The following TENM4 variants were observed in gnomAD, a reference collection of about 807,000 sequenced individuals.
TENM4 encodes teneurin-4.
A neutral mutation model predicts 243.3 loss-of-function variants in TENM4; 82 were observed. The observed-to-expected ratio is 0.34, with a 90% CI of 0.28 to 0.40. The LOEUF is 0.40. Ranked by LOEUF, TENM4 falls within the 10% of genes least tolerant of loss-of-function variation. The pLI is 1.00. For missense variants in TENM4, 3,138 were observed against 3,673.3 expected, an observed-to-expected ratio of 0.85 and a Z score of 3.77; for synonymous variants, 1,412 against 1,456.3, an observed-to-expected ratio of 0.97 and a Z score of 0.69.
chr11:79,436,777 A>G (rs189867362), intron 1 of TENM4, among the ~76,000 whole-genome samples: 1 of 152,318 alleles, frequency 6.6e-6, no homozygotes, highest in African/African-American at 2.4e-5. Context: ...GGCCTTGATG[A>G]AAACAAGATG....
intron 19 of TENM4, among the ~76,000 whole-genome samples, chr11:78,754,810 T>A (rs935797943): frequency 6.6e-6 from 1 of 152,214 alleles, no homozygotes; most frequent in African/African-American, 2.4e-5. Flanking sequence ...ACCTCTCAGC[T>A]TCTCAGTACT....
chr11:79,001,606 A>G (rs1436265976), intron 6 of TENM4, among the ~76,000 whole-genome samples: 3 of 152,216 alleles, frequency 2.0e-5, no homozygotes, highest in Non-Finnish European at 4.4e-5. Context: ...GAGCACGGCC[A>G]GGGATGGCCA....
At chr11:79,169,437 G>A (rs1862990028) in intron 3 of TENM4, among the ~76,000 whole-genome samples, 1 of 152,042 alleles carries the variant, frequency 6.6e-6, no homozygotes, top group Non-Finnish European at 1.5e-5. Context: ...TCAGAGCCAG[G>A]GCATATTGGC....
chr11:78,789,885 T>C (rs1344091583), intron 15 of TENM4, among the ~76,000 whole-genome samples: 1 of 152,234 alleles, frequency 6.6e-6, no homozygotes, highest in Non-Finnish European at 1.5e-5. Context: ...GAATCAGATG[T>C]GATTCCAGAT....
At chr11:78,920,623 C>T (rs773654604) in intron 6 of TENM4, among the ~76,000 whole-genome samples, 6 of 152,132 alleles carry the variant, frequency 3.9e-5, no homozygotes, top group East Asian at 1.9e-4. Flanking sequence ...TGAACTACCT[C>T]ATCCTTCCTT....
Position 78,654,268 on chromosome 11 carries a change from T to TC in TENM4, c.*3789dup. 1 of 152,188 alleles carries TC rather than the reference T, an allele frequency of 6.6e-6. No homozygotes were observed. The highest frequency in any genetic ancestry group is 2.1e-4 in the South Asian group (1 of 4,818). The allele number at this position is 152,188 out of a possible 1,614,324, so 9.4% of individuals were successfully genotyped here. A position where few individuals can be genotyped will look rare whatever the true frequency, so the allele number is the denominator to read the frequency against. The stretch of plus-strand genomic sequence containing the variant: ...GGACTTTGAGCAGTGGATGCTCAAA[T>TC]CCCCAAGCCTGACACCCTGCTGAGA... On this transcript the variant is annotated 3_prime_UTR_variant, in exon 34 of 34. Transcript: ENST00000278550.
At chr11:78,942,364 G>A (rs1856917402) in intron 6 of TENM4, among the ~76,000 whole-genome samples, 1 of 144,386 alleles carries the variant, frequency 6.9e-6, no homozygotes, top group Non-Finnish European at 1.5e-5. Context: ...AGGATCACCT[G>A]AGCCTGGGAG....
chr11:79,368,406 C>A (rs144378175), intron 1 of TENM4, among the ~76,000 whole-genome samples: 1 of 152,210 alleles, frequency 6.6e-6, no homozygotes, highest in Non-Finnish European at 1.5e-5. Context: ...GAATTAAATA[C>A]GCAGTAATGT....
At chr11:79,046,459 AACG>A (rs111469378) in intron 6 of TENM4, among the ~76,000 whole-genome samples, 10,248 of 152,130 alleles carry the variant, frequency 0.067, 1,109 homozygotes, top group African/African-American at 0.23. Context: ...CCCCCAAAAA[AACG>A]ACAAGTTGAA....
Position 79,188,667 on chromosome 11 carries a change from TG to T in TENM4, c.-163+27140del, listed in dbSNP as rs377414250. Among the ~76,000 whole-genome samples the T allele has an allele frequency of 2.0e-3, 244 of 121,112 alleles. 1 individual carries two copies. The highest frequency in any genetic ancestry group is 7.4e-3 in the African/African-American group (229 of 30,970). 79.5% of individuals were successfully genotyped at this position (121,112 alleles called of 152,430 possible). ...GGAGCAAGCAGAAGAGAAGTGAGGA[TG>T]GGGATGGGGAAGAGGAGAAAAGAGA... is the stretch of plus-strand genomic sequence containing the variant. On this transcript the variant is annotated intron_variant, in intron 3 of 33. Coordinates refer to ENST00000278550, the MANE Select transcript of TENM4 (RefSeq NM_001098816.3).
chr11:79,343,776 A>G (rs1429198768), intron 1 of TENM4, among the ~76,000 whole-genome samples: 1 of 152,174 alleles, frequency 6.6e-6, no homozygotes, highest in African/African-American at 2.4e-5. Context: ...CTGGCACCCA[A>G]TCAACAAGAT....
At chr11:79,335,767 G>A (rs1244584944) in intron 1 of TENM4, among the ~76,000 whole-genome samples, 1 of 152,190 alleles carries the variant, frequency 6.6e-6, no homozygotes, top group African/African-American at 2.4e-5. Flanking sequence ...ACAAAGAGGA[G>A]AGACTGCCAA....
At position 78,862,948 on chromosome 11, in the gene TENM4, C is replaced by T. The variant is rs77725470; in HGVS notation, c.1255+14G>A. On this transcript the variant is annotated intron_variant, in intron 10 of 33. Coordinates refer to ENST00000278550, the MANE Select transcript of TENM4 (RefSeq NM_001098816.3). ...CACAGAGGACTCACAACACGGACAA[C>T]GCAGCAACCCTACCTTCTGTGGTTC... 8.8e-4 allele frequency: 1,257 copies of T among 1,428,188 alleles called. 12 individuals are homozygous for T. The African/African-American group carries it at 0.015, about 17-fold the overall frequency. 88.5% of individuals were successfully genotyped at this position (1,428,188 alleles called of 1,614,324 possible).
chr11:79,409,448 G>A (rs916825046), intron 1 of TENM4, among the ~76,000 whole-genome samples: 2 of 152,148 alleles, frequency 1.3e-5, no homozygotes, highest in Admixed American at 6.5e-5. Flanking sequence ...GGGTTAAAAT[G>A]GAATGAGGGG....
intron 6 of TENM4, among the ~76,000 whole-genome samples, chr11:78,975,929 C>T (rs1857644745): frequency 6.6e-6 from 1 of 152,088 alleles, no homozygotes; most frequent in Admixed American, 6.5e-5. Context: ...AAGACTTCTC[C>T]AGCTGACAGA....
chr11:79,414,378 C>T (rs1440272603), intron 1 of TENM4, among the ~76,000 whole-genome samples: 1 of 152,206 alleles, frequency 6.6e-6, no homozygotes, highest in Non-Finnish European at 1.5e-5. Flanking sequence ...GTCTCACTTT[C>T]CACACTGTGA....
chr11:79,172,639 G>A (rs1052952670), intron 3 of TENM4, among the ~76,000 whole-genome samples: 2 of 151,008 alleles, frequency 1.3e-5, no homozygotes, highest in Non-Finnish European at 2.9e-5. Context: ...ACAACAGCAG[G>A]AGTGTTCTAA....
chr11:78,840,298 CCTGA>C (rs1298651733), intron 12 of TENM4, among the ~76,000 whole-genome samples: 3 of 152,002 alleles, frequency 2.0e-5, no homozygotes, highest in Non-Finnish European at 4.4e-5. Flanking sequence ...TCCCTTGTAC[CCTGA>C]CTAGACTCTC....
At chr11:78,896,440 T>C (rs536967217) in intron 7 of TENM4, among the ~76,000 whole-genome samples, 44 of 152,304 alleles carry the variant, frequency 2.9e-4, no homozygotes, top group Non-Finnish European at 4.3e-4. Context: ...TGGCACCTTC[T>C]GATTTAAAAG....
Sources: gnomAD v4.1 joint callset for allele counts (sites outside exome capture counted in the v4.1 genomes callset) on GRCh38, gnomAD v4.1.1 for gene constraint, MANE v1.5 for transcripts, NCBI Gene and HGNC (gene_info 2026-07-23, HGNC 2026-07-21) for gene names.